Variants in DSCAML1 observed in about 807,000 individuals in gnomAD.
The protein encoded by DSCAML1 is DS cell adhesion molecule like 1.
DSCAML1 carries 38 observed loss-of-function variants against 200.5 expected under a neutral mutation model. The ratio of observed to expected loss-of-function variants is 0.19; its 90% CI spans 0.15 to 0.25. DSCAML1 has a LOEUF of 0.25. DSCAML1 is among the 10% of genes least tolerant of loss of function. The pLI, the probability that DSCAML1 is intolerant of heterozygous loss-of-function variation, is 1.00. For missense variants in DSCAML1, 2,223 were observed against 2,858.8 expected (o/e 0.78, Z 5.07); for synonymous variants, 1,215 against 1,165.0 (o/e 1.04, Z -0.87).
At chr11:117,564,705 TCTTCCTTCTTTCCTTTC>T (rs1336979624) in intron 3 of DSCAML1, among the ~76,000 whole-genome samples, 15 of 150,760 alleles carry the variant, frequency 9.9e-5, no homozygotes, top group East Asian at 1.9e-4. Context: ...TTCCTTCCTT[TCTTCCTTCTTTCCTTTC>T]CTTCCTTCTT....
At chr11:117,472,614 C>T (rs1328679660) in intron 14 of DSCAML1, among the ~76,000 whole-genome samples, 5 of 152,154 alleles carry the variant, frequency 3.3e-5, no homozygotes, top group Admixed American at 6.5e-5. Flanking sequence ...TTTCCTTCAT[C>T]GACAGGAGGA....
intron 21 of DSCAML1, among the ~76,000 whole-genome samples, chr11:117,441,941 G>T (rs368441745): frequency 2.8e-4 from 42 of 152,288 alleles, no homozygotes; most frequent in African/African-American, 9.4e-4. Flanking sequence ...CCACAGGCTG[G>T]GGTTGGCTCC....
chr11:117,650,009 G>T (rs17121029), intron 3 of DSCAML1, among the ~76,000 whole-genome samples: 3,129 of 152,304 alleles, frequency 0.021, 107 homozygotes, highest in African/African-American at 0.069. Context: ...GCATTCTGGG[G>T]CACTGAGCAG....
chr11:117,746,413 T>C (rs1017739966), intron 3 of DSCAML1, among the ~76,000 whole-genome samples: 11 of 152,062 alleles, frequency 7.2e-5, no homozygotes, highest in African/African-American at 2.4e-4. Flanking sequence ...GTGGTTGAGG[T>C]GCAGTGCCTT....
At chr11:117,770,699 C>T (rs537276686) in intron 3 of DSCAML1, among the ~76,000 whole-genome samples, 7 of 151,672 alleles carry the variant, frequency 4.6e-5, no homozygotes, top group South Asian at 4.2e-4. Context: ...GGACAAAGTA[C>T]GATTAGCGTC....
chr11:117,479,865 C>G (rs914294654), intron 14 of DSCAML1, among the ~76,000 whole-genome samples: 24 of 152,138 alleles, frequency 1.6e-4, no homozygotes, highest in African/African-American at 5.8e-4. Flanking sequence ...CCAGACTGGT[C>G]TCGAACTCCT....
At chr11:117,508,081 T>C (rs536983237) in intron 8 of DSCAML1, among the ~76,000 whole-genome samples, 6 of 152,244 alleles carry the variant, frequency 3.9e-5, no homozygotes, top group Admixed American at 2.6e-4. Context: ...GGCTTTCTGA[T>C]GGATTGTAGC....
rs374448606 is a variant in DSCAML1, at chr11:117,504,018, C to A, written c.2186G>T (p.Ser729Ile). 1.9e-6 allele frequency: 3 copies of A among 1,613,718 alleles called. No homozygotes were observed. The highest frequency in any genetic ancestry group is 1.7e-6 in the Non-Finnish European group (2 of 1,179,836). The change falls in exon 11 of 33, where the codon AGC becomes ATC. Residue 729 changes from serine to isoleucine, a missense_variant. This residue lies in a region of DSCAML1 where 212 missense variants were observed against 368.0 expected (regional missense o/e 0.58). Coordinates refer to ENST00000651296, the MANE Select transcript of DSCAML1 (RefSeq NM_020693.4). This position sits in a 1 kb window ranked among gnomAD's most constrained non-coding sequence, Gnocchi z 5.0. Reference sequence around the variant, plus strand: ...AGGGTGGTACTGCTGGGGGTTCCCGCTCCCTGGAAGGAGGCAGCTGTTAGG... The same window carrying A: ...AGGGTGGTACTGCTGGGGGTTCCCGATCCCTGGAAGGAGGCAGCTGTTAGG... Reference protein sequence around the residue: ...PKVMWKHAKGSGNPQQYHPVP... With the variant: ...PKVMWKHAKGIGNPQQYHPVP...
At chr11:117,513,545 A>G (rs2049692286) in intron 8 of DSCAML1, among the ~76,000 whole-genome samples, 1 of 152,172 alleles carries the variant, frequency 6.6e-6, no homozygotes, top group South Asian at 2.1e-4. Context: ...GTCCGAGACC[A>G]GCCTGACCAA....
At chr11:117,442,729 G>A (rs1334838714) in intron 21 of DSCAML1, among the ~76,000 whole-genome samples, 1 of 152,184 alleles carries the variant, frequency 6.6e-6, no homozygotes, top group South Asian at 2.1e-4. Flanking sequence ...GTTCTGGAAG[G>A]GTGATAGGCT....
intron 3 of DSCAML1, among the ~76,000 whole-genome samples, chr11:117,768,840 C>A (rs1251156052): frequency 6.6e-6 from 1 of 151,746 alleles, no homozygotes; most frequent in African/African-American, 2.4e-5. Flanking sequence ...TAACTGTTAC[C>A]CAACTTTCTG....
rs541347440 is a variant in DSCAML1 at position 117,542,025 on chromosome 11, T to C, written c.512-9503A>G. Among the ~76,000 whole-genome samples, 26 of 152,250 alleles carry C rather than the reference T, an allele frequency of 1.7e-4. No individual in the cohort carries two copies. In the South Asian group the frequency reaches 4.8e-3, roughly 28 times the overall value. On this transcript the variant is annotated intron_variant, in intron 3 of 32. Transcript: ENST00000651296. ...GAGGTATGTGAAATAGAAGATGCAA[T>C]GAGGCCGGGCACTGTGGCTCATGCC... is the stretch of plus-strand genomic sequence containing the variant.
chr11:117,538,803 A>G (rs1433150434), intron 3 of DSCAML1, among the ~76,000 whole-genome samples: 11 of 127,340 alleles, frequency 8.6e-5, no homozygotes, highest in South Asian at 3.0e-4. Context: ...AGAAGGTGAT[A>G]GACAGGGGAG....
intron 21 of DSCAML1, among the ~76,000 whole-genome samples, chr11:117,442,900 C>T (rs1016762059): frequency 6.6e-6 from 1 of 152,320 alleles, no homozygotes; most frequent in Non-Finnish European, 1.5e-5. Flanking sequence ...CCTCAGGTTG[C>T]TCAGCTGTGG....
At chr11:117,444,148 G>A in intron 20 of DSCAML1, 109 bp from the exon 21 acceptor site, 4 of 1,286,436 alleles carry the variant, frequency 3.1e-6, no homozygotes, top group Admixed American at 2.6e-5. Context: ...GGTCGGATGC[G>A]AGGCAGGATT....
At position 117,525,070 on chromosome 11, in the gene DSCAML1, C is replaced by T. The variant is rs781117478; in HGVS notation, c.672G>A (p.Ser224=). ...ARLSVTDPAE[S]IPTILDGFHS... ...GGAAGCCATCCAGGATGGTGGGGAT[C>T]GACTCAGCAGGGTCTGGAAGGCAGA... The change falls in exon 5 of 33, where the codon TCG becomes TCA. Residue 224 remains serine (S), a synonymous_variant. Coordinates refer to ENST00000651296, the MANE Select transcript of DSCAML1 (RefSeq NM_020693.4). 13 of 1,566,914 alleles carry T rather than the reference C, an allele frequency of 8.3e-6. No homozygotes were observed. The highest frequency in any genetic ancestry group is 4.7e-5 in the South Asian group (4 of 85,054).
chr11:117,606,250 C>T (rs1023925929), intron 3 of DSCAML1, among the ~76,000 whole-genome samples: 2 of 152,146 alleles, frequency 1.3e-5, no homozygotes, highest in African/African-American at 4.8e-5. Flanking sequence ...GAGGACCAGA[C>T]AGAAAATTAG....
At chr11:117,614,227 G>A (rs775802452) in intron 3 of DSCAML1, among the ~76,000 whole-genome samples, 6 of 152,086 alleles carry the variant, frequency 3.9e-5, no homozygotes, top group Non-Finnish European at 7.4e-5. Context: ...TTGAGAACAT[G>A]GGCTTTGCAT....
intron 3 of DSCAML1, among the ~76,000 whole-genome samples, chr11:117,554,307 ATTC>A (rs1273282289): frequency 6.6e-6 from 1 of 152,238 alleles, no homozygotes; most frequent in Non-Finnish European, 1.5e-5. Context: ...TGTCATGTAT[ATTC>A]TACCACAATT....
Sources: allele counts gnomAD v4.1 joint callset (sites outside exome capture counted in the v4.1 genomes callset), GRCh38; gene constraint gnomAD v4.1.1; regional missense constraint gnomAD v4.1.1; non-coding constraint Gnocchi (gnomAD v3.1); transcripts MANE v1.5; gene names NCBI Gene and HGNC (gene_info 2026-07-23, HGNC 2026-07-21).